Variants in ZCCHC14 observed in about 807,000 individuals in gnomAD.
The protein encoded by ZCCHC14 is zinc finger CCHC-type containing 14.
ZCCHC14 carries 16 observed loss-of-function variants against 85.0 expected under a neutral mutation model. That is an observed-to-expected ratio of 0.19 (90% CI 0.13 to 0.29). The LOEUF is 0.29. Among genes scored for constraint, ZCCHC14 ranks in the 10% least tolerant of loss-of-function variants. The pLI is 1.00. For synonymous variants in ZCCHC14, 775 were observed against 630.7 expected, an observed-to-expected ratio of 1.23 and a Z score of -3.43; for missense variants, 1,303 against 1,443.5, an observed-to-expected ratio of 0.90 and a Z score of 1.58.
intron 7 of ZCCHC14, 67 bp downstream of exon 7, chr16:87,418,780 C>A: frequency 6.7e-7 from 1 of 1,486,132 alleles, no homozygotes. Context: ...CAACTTTACA[C>A]AGAACTCAAA....
intron 1 of ZCCHC14, among the ~76,000 whole-genome samples, chr16:87,461,027 A>T (rs1455971126): frequency 6.6e-6 from 1 of 152,238 alleles, no homozygotes; most frequent in Non-Finnish European, 1.5e-5. Flanking sequence ...AGTGTCTGTG[A>T]CAGGGAAAGC....
At chr16:87,449,471 C>G (rs574838999) in intron 2 of ZCCHC14, among the ~76,000 whole-genome samples, 24 of 152,214 alleles carry the variant, frequency 1.6e-4, no homozygotes, top group African/African-American at 5.5e-4. Flanking sequence ...CAGCAAATCA[C>G]ACAGGTGCAG....
intron 1 of ZCCHC14, among the ~76,000 whole-genome samples, chr16:87,461,851 G>C (rs2086296627): frequency 1.3e-5 from 2 of 152,230 alleles, no homozygotes; most frequent in Admixed American, 1.3e-4. Context: ...CTGCCCCCCA[G>C]CAAGAAGCCC....
At position 87,417,720 on chromosome 16, in the gene ZCCHC14, T is replaced by G; in HGVS notation, c.1123A>C (p.Ile375Leu). 1 of 1,599,820 alleles carries G rather than the reference T, an allele frequency of 6.3e-7. No homozygotes were observed. The highest frequency in any genetic ancestry group is 8.5e-7 in the Non-Finnish European group (1 of 1,174,760). Residue 375 changes from isoleucine to leucine, a missense_variant, in exon 8 of 13, where the codon ATC (isoleucine) becomes CTC (leucine). By Grantham distance (5) the Ile-to-Leu change is conservative. Around this residue, in one of 7 missense-constraint regions of ZCCHC14, gnomAD observed 389 missense variants for 397.8 expected, o/e 0.98. Coordinates refer to ENST00000671377, the MANE Select transcript of ZCCHC14 (RefSeq NM_015144.3). ...SGRPVCGVAG[I>L]PSSQSGAQHH... ...TGGGCTCCGCTCTGCGAGGACGGGA[T>G]ACCAGCCACTCCACACACAGGCCTG... is the stretch of plus-strand genomic sequence containing the variant.
intron 2 of ZCCHC14, among the ~76,000 whole-genome samples, chr16:87,447,116 A>G (rs1910477597): frequency 6.6e-6 from 1 of 152,204 alleles, no homozygotes; most frequent in African/African-American, 2.4e-5. Flanking sequence ...ATAGACTAGG[A>G]AAAGACACTC....
chr16:87,438,196 C>T (rs1283787024), intron 2 of ZCCHC14, among the ~76,000 whole-genome samples: 1 of 152,282 alleles, frequency 6.6e-6, no homozygotes, highest in South Asian at 2.1e-4. Flanking sequence ...GCACACAGAG[C>T]CCACTGCACA....
At position 87,429,604 on chromosome 16, in the gene ZCCHC14, G is replaced by C. The variant is rs573184944; in HGVS notation, c.768+3524C>G. The stretch of plus-strand genomic sequence containing the variant: ...AAGACCAGTCTGGGTGACAGAAGGA[G>C]ACACTATCTCTTTTTTTTTCCCAGG... On this transcript the variant is annotated intron_variant, in intron 3 of 12. Transcript: ENST00000671377. Among the ~76,000 whole-genome samples the C allele has an allele frequency of 6.6e-4, 100 of 152,256 alleles. 1 individual carries two copies. Among genetic ancestry groups the C allele is most frequent in the African/African-American group, 2.3e-3 (94 of 41,562 alleles).
At position 87,420,481 on chromosome 16, in the gene ZCCHC14, A is replaced by G. The variant is rs572709116; in HGVS notation, c.950+126T>C. 3.6e-4 allele frequency: 242 copies of G among 680,238 alleles called. No homozygotes were observed. The African/African-American group carries it at 4.0e-3, about 11-fold the overall frequency. 42.1% of individuals were successfully genotyped at this position (680,238 alleles called of 1,614,324 possible). A position where few individuals can be genotyped will look rare whatever the true frequency, so the allele number is the denominator to read the frequency against. Reference sequence around the variant, plus strand: ...AACTAATGGAAATCCCTAGAGGCCAAGTAGAGACCCAGGTCCAGGTGACCG... The same window carrying G: ...AACTAATGGAAATCCCTAGAGGCCAGGTAGAGACCCAGGTCCAGGTGACCG... On this transcript the variant is annotated intron_variant, in intron 5 of 12. Coordinates refer to ENST00000671377, the MANE Select transcript of ZCCHC14 (RefSeq NM_015144.3). The surrounding 1 kb of genome is among the most constrained non-coding windows in gnomAD (Gnocchi z 5.0).
chr16:87,448,643 T>C (rs1910550563), intron 2 of ZCCHC14, among the ~76,000 whole-genome samples: 1 of 152,200 alleles, frequency 6.6e-6, no homozygotes, highest in South Asian at 2.1e-4. Context: ...GTGGTCACTT[T>C]TACATCCCAA....
chr16:87,457,747 T>C (rs1352643725), intron 2 of ZCCHC14, among the ~76,000 whole-genome samples: 4 of 152,220 alleles, frequency 2.6e-5, no homozygotes, highest in Non-Finnish European at 5.9e-5. Flanking sequence ...TTACTGTGAC[T>C]TTAGACTTTC....
At chr16:87,487,693 T>G (rs1378470503) in intron 1 of ZCCHC14, among the ~76,000 whole-genome samples, 2 of 152,186 alleles carry the variant, frequency 1.3e-5, no homozygotes, top group East Asian at 1.9e-4. Flanking sequence ...CTATTAACCA[T>G]GAAGACAAAA....
At chr16:87,446,697 C>CT (rs959305970) in intron 2 of ZCCHC14, among the ~76,000 whole-genome samples, 131 of 148,742 alleles carry the variant, frequency 8.8e-4, no homozygotes, top group Middle Eastern at 7.2e-3. Context: ...AACTGACTTT[C>CT]TTTTTTTTTT....
At position 87,411,663 on chromosome 16, in the gene ZCCHC14, C is replaced by A; in HGVS notation, c.3058G>T (p.Ala1020Ser). The A allele has an allele frequency of 6.2e-7, 1 of 1,614,034 alleles. No individual in the cohort carries two copies. The highest frequency in any genetic ancestry group is 8.5e-7 in the Non-Finnish European group (1 of 1,179,982). ...AGTCCTTGGGTCTGGTACACCCCTG[C>A]TGTCCCTGCCATGAAGTTCTGCATG... ...PPMQNFMAGT[A>S]GVYQTQGLVG... The change falls in exon 12 of 13, where the codon GCA becomes TCA. Residue 1020 changes from alanine to serine, a missense_variant. This residue lies in a region of ZCCHC14 where 797 missense variants were observed against 730.8 expected (regional missense o/e 1.09). Transcript: ENST00000671377.
intron 1 of ZCCHC14, among the ~76,000 whole-genome samples, chr16:87,485,209 A>G (rs9308351): frequency 0.37 from 55,623 of 152,082 alleles, 12,934 homozygotes; most frequent in African/African-American, 0.63. Flanking sequence ...CTGATCAGAC[A>G]TGACACACGG....
At chr16:87,474,516 T>G in intron 1 of ZCCHC14, 1 of 152,216 alleles carries the variant, frequency 6.6e-6, no homozygotes, top group Non-Finnish European at 1.5e-5. Flanking sequence ...ACCAATCCTC[T>G]TGCAGATAAC....
chr16:87,411,676 GA>G lies in ZCCHC14; in HGVS notation c.3044del (p.Phe1015SerfsTer59). On this transcript the variant is annotated frameshift_variant, in exon 12 of 13. Coordinates refer to ENST00000671377, the MANE Select transcript of ZCCHC14 (RefSeq NM_015144.3). LOFTEE classifies it high-confidence loss of function. ...GGTACACCCCTGCTGTCCCTGCCATGAAGTTCTGCATGGGTGGCACGGCAAA... is the reference window on the plus strand; with the variant it reads ...GGTACACCCCTGCTGTCCCTGCCATGAGTTCTGCATGGGTGGCACGGCAAA... ...STFAVPPMQNFMAGTAGVYQT... is the reference protein window; with the variant it reads ...STFAVPPMQNXMAGTAGVYQT... 6.2e-7 allele frequency: 1 copy of G among 1,614,110 alleles called. No individual in the cohort carries two copies. The highest frequency in any genetic ancestry group is 8.5e-7 in the Non-Finnish European group (1 of 1,179,984).
At chr16:87,433,061 C>T (rs1909741377) in intron 3 of ZCCHC14, 67 bp downstream of exon 3, 29 of 1,516,488 alleles carry the variant, frequency 1.9e-5, no homozygotes, top group Non-Finnish European at 2.6e-5. Context: ...GAAGGAAAAG[C>T]ATCTCCAGGG....
chr16:87,447,771 A>G (rs930470731), intron 2 of ZCCHC14, among the ~76,000 whole-genome samples: 1 of 152,250 alleles, frequency 6.6e-6, no homozygotes, highest in Non-Finnish European at 1.5e-5. Context: ...TTCATAAGAA[A>G]TGCCAAATTG....
Position 87,433,211 on chromosome 16 carries a change from TAAAACAA to T in ZCCHC14, c.695-17_695-11del. On this transcript the variant is annotated splice_polypyrimidine_tract_variant and intron_variant, in intron 2 of 12. Coordinates refer to ENST00000671377, the MANE Select transcript of ZCCHC14 (RefSeq NM_015144.3). The stretch of plus-strand genomic sequence containing the variant: ...ATCTTTTCAACACTCACTGTAAAAG[TAAAACAA>T]AAAACAAAAATGAAATAAGAGCTTG... 6.2e-7 allele frequency: 1 copy of T among 1,612,204 alleles called. No homozygotes were observed. The highest frequency in any genetic ancestry group is 1.1e-5 in the South Asian group (1 of 90,962).
Sources: gnomAD v4.1 joint callset for allele counts (sites outside exome capture counted in the v4.1 genomes callset) on GRCh38, gnomAD v4.1.1 for gene constraint, gnomAD v4.1.1 regional missense constraint, Gnocchi (gnomAD v3.1) non-coding constraint, MANE v1.5 for transcripts, NCBI Gene and HGNC (gene_info 2026-07-23, HGNC 2026-07-21) for gene names.